UTRN: variants seen among roughly 807,000 people sequenced by gnomAD.
UTRN encodes the protein utrophin.
Under a neutral mutation model 463.9 loss-of-function variants are expected in UTRN, and 283 were observed. The observed-to-expected ratio is 0.61, with a 90% confidence interval of 0.55 to 0.67. The LOEUF is 0.67. Among genes scored for constraint, UTRN ranks in the 30% least tolerant of loss-of-function variants. UTRN has a pLI of 0.00. For synonymous variants in UTRN, 1,442 were observed against 1,431.5 expected (o/e 1.01, Z -0.17); for missense variants, 3,922 against 4,084.3 (o/e 0.96, Z 1.08).
intron 51 of UTRN, among the ~76,000 whole-genome samples, chr6:144,633,956 C>T (rs1409934784): frequency 6.6e-6 from 1 of 152,142 alleles, no homozygotes; most frequent in African/African-American, 2.4e-5. Flanking sequence ...ATTAGATGTG[C>T]AGGAATAGGC....
At chr6:144,850,688 C>T (rs1782417457) in intron 74 of UTRN, among the ~76,000 whole-genome samples, 1 of 152,140 alleles carries the variant, frequency 6.6e-6, no homozygotes, top group Admixed American at 6.6e-5. Context: ...TTTCACCAGC[C>T]TCATTCGCTC....
intron 17 of UTRN, among the ~76,000 whole-genome samples, chr6:144,449,546 C>T (rs1788045102): frequency 6.6e-6 from 1 of 152,132 alleles, no homozygotes; most frequent in African/African-American, 2.4e-5. Context: ...GCCGTCTCTT[C>T]TCTGAAATAT....
At chr6:144,291,961 A>C (rs779648937) in intron 2 of UTRN, 54 bp downstream of exon 2, 3 of 1,550,476 alleles carry the variant, frequency 1.9e-6, no homozygotes, top group Middle Eastern at 3.4e-4. Flanking sequence ...TAGAAAACCT[A>C]TGTTTCTTGG....
chr6:144,349,288 A>G (rs530408256), intron 2 of UTRN, among the ~76,000 whole-genome samples: 6 of 152,288 alleles, frequency 3.9e-5, no homozygotes, highest in South Asian at 2.1e-4. Flanking sequence ...GATTACAGGC[A>G]TGAGCCACGG....
At position 144,577,867 on chromosome 6, in the gene UTRN, C is replaced by T. The variant is rs949651158; in HGVS notation, c.7479+579C>T. On this transcript the variant is annotated intron_variant, in intron 51 of 74. Transcript: ENST00000367545. ...AAATACGTCTGAATCTTTTTTTGCC[C>T]TCAAGTAGTTCTGCTTCAGTACTCT... is the stretch of plus-strand genomic sequence containing the variant. 5.9e-4 allele frequency among the ~76,000 whole-genome samples: 90 copies of T among 151,998 alleles called. 1 individual carries two copies. Among genetic ancestry groups the T allele is most frequent in the Non-Finnish European group, 1.2e-4 (8 of 67,990 alleles).
At chr6:144,805,033 T>G (rs1778023887) in intron 65 of UTRN, among the ~76,000 whole-genome samples, 1 of 152,166 alleles carries the variant, frequency 6.6e-6, no homozygotes, top group South Asian at 2.1e-4. Context: ...ATAAATTATG[T>G]TCATGTTTGT....
intron 62 of UTRN, among the ~76,000 whole-genome samples, chr6:144,791,846 A>G (rs9376855): frequency 0.17 from 25,223 of 152,186 alleles, 2,752 homozygotes; most frequent in East Asian, 0.5. Context: ...GCATAGTGGT[A>G]TAGCCATATG....
At chr6:144,607,142 G>T (rs998007186) in intron 51 of UTRN, among the ~76,000 whole-genome samples, 3 of 152,158 alleles carry the variant, frequency 2.0e-5, no homozygotes, top group Non-Finnish European at 4.4e-5. Context: ...TTGCTTATGA[G>T]AATCAATGTT....
At chr6:144,763,807 C>G (rs1282834919) in intron 58 of UTRN, among the ~76,000 whole-genome samples, 1 of 152,094 alleles carries the variant, frequency 6.6e-6, no homozygotes, top group Non-Finnish European at 1.5e-5. Context: ...AGAATAAACC[C>G]GTAACAAAGG....
intron 3 of UTRN, among the ~76,000 whole-genome samples, chr6:144,410,911 T>C (rs534981984): frequency 6.6e-6 from 1 of 152,328 alleles, no homozygotes; most frequent in African/African-American, 2.4e-5. Context: ...TGTGCTGCTA[T>C]AAACATGCAT....
At position 144,703,522 on chromosome 6, in the gene UTRN, A is replaced by G. The variant is rs138622768; in HGVS notation, c.7809+3279A>G. 1.3e-3 allele frequency among the ~76,000 whole-genome samples: 202 copies of G among 152,332 alleles called. 2 individuals are homozygous for G. Among genetic ancestry groups the G allele is most frequent in the Admixed American group, 4.0e-3 (61 of 15,296 alleles). ...TCTAAGAAATGAGCCCTGAGGAGCC[A>G]CAACTTCAGAGGTTGGGAAAATGAG... On this transcript the variant is annotated intron_variant, in intron 53 of 74. Coordinates refer to ENST00000367545, the MANE Select transcript of UTRN (RefSeq NM_007124.3).
In UTRN at chr6:144,751,953, G is replaced by T. The variant is rs773948623; in HGVS notation, c.8355+1G>T. On this transcript the variant is annotated splice_donor_variant, in intron 56 of 74. Coordinates refer to ENST00000367545, the MANE Select transcript of UTRN (RefSeq NM_007124.3). LOFTEE classifies it high-confidence loss of function. ...TAATATGCGATGGAAACTTTTACAG[G>T]TATCAGCTTATTCCCCTTCATAATG... 1 of 1,604,908 alleles carries T rather than the reference G, an allele frequency of 6.2e-7. No individual in the cohort carries two copies. The highest frequency in any genetic ancestry group is 8.5e-7 in the Non-Finnish European group (1 of 1,176,144).
chr6:144,377,832 G>A (rs369541968), intron 2 of UTRN, among the ~76,000 whole-genome samples: 4 of 152,286 alleles, frequency 2.6e-5, no homozygotes, highest in African/African-American at 9.6e-5. Flanking sequence ...TCTTCCATCA[G>A]TGAGTCTCTG....
At chr6:144,676,956 A>G (rs1781673725) in intron 51 of UTRN, among the ~76,000 whole-genome samples, 1 of 152,166 alleles carries the variant, frequency 6.6e-6, no homozygotes, top group Non-Finnish European at 1.5e-5. Context: ...ATATTAGGCA[A>G]AGTTCAGTGA....
At chr6:144,469,703 C>CTTTTTTT (rs545551155) in intron 23 of UTRN, among the ~76,000 whole-genome samples, 2 of 135,710 alleles carry the variant, frequency 1.5e-5, no homozygotes, top group Non-Finnish European at 3.1e-5. Context: ...TGTTTCTTTC[C>CTTTTTTT]TTTTTTTTTT....
intron 53 of UTRN, among the ~76,000 whole-genome samples, chr6:144,703,466 G>A (rs1210242382): frequency 6.6e-6 from 1 of 152,108 alleles, no homozygotes; most frequent in African/African-American, 2.4e-5. Flanking sequence ...GGGAGAGATT[G>A]TATGTGATTG....
chr6:144,756,309 T>G (rs1392593564), intron 57 of UTRN, among the ~76,000 whole-genome samples: 1 of 152,164 alleles, frequency 6.6e-6, no homozygotes, highest in Non-Finnish European at 1.5e-5. Flanking sequence ...AATGCTATAC[T>G]TTCACCTAGC....
chr6:144,433,115 T>C (rs1263191239), intron 9 of UTRN, among the ~76,000 whole-genome samples: 2 of 152,182 alleles, frequency 1.3e-5, no homozygotes. Flanking sequence ...ACCATCCGAT[T>C]TCTCAATCTT....
chr6:144,515,476 T>C (rs1795536589), intron 37 of UTRN, among the ~76,000 whole-genome samples: 1 of 151,354 alleles, frequency 6.6e-6, no homozygotes, highest in South Asian at 2.1e-4. Context: ...ACCACAGAAC[T>C]TGTTTTTTTT....
Sources: allele counts gnomAD v4.1 joint callset (sites outside exome capture counted in the v4.1 genomes callset), GRCh38; gene constraint gnomAD v4.1.1; transcripts MANE v1.5; gene names NCBI Gene and HGNC (gene_info 2026-07-23, HGNC 2026-07-21).